The following MSRB2 variants were observed in gnomAD, a reference collection of about 807,000 sequenced individuals.
MSRB2 encodes the protein methionine sulfoxide reductase B2, also known as methionine-R-sulfoxide reductase B2, mitochondrial.
Under a neutral mutation model 19.0 loss-of-function variants are expected in MSRB2, and 17 were observed. The ratio of observed to expected loss-of-function variants is 0.89; its 90% CI spans 0.61 to 1.34. The LOEUF (loss-of-function observed/expected upper bound fraction) is 1.34. MSRB2 is among the 40% of genes most tolerant of loss of function. MSRB2 has a pLI of 0.00. For missense variants in MSRB2, 208 were observed against 237.6 expected, an observed-to-expected ratio of 0.88 and a Z score of 0.82; for synonymous variants, 107 against 99.7, an observed-to-expected ratio of 1.07 and a Z score of -0.44.
At chr10:23,104,303 G>C in intron 2 of MSRB2, 59 bp downstream of exon 2, 2 of 1,425,356 alleles carry the variant, frequency 1.4e-6, no homozygotes, top group Non-Finnish European at 2.0e-6. Context: ...GGGGCCAGTT[G>C]GAATAGGTCC....
intron 1 of MSRB2, among the ~76,000 whole-genome samples, chr10:23,098,997 G>GTC (rs1446577665): frequency 2.6e-5 from 4 of 152,146 alleles, no homozygotes. Flanking sequence ...TCCCCAGGCG[G>GTC]CCTTTTCTCT....
chr10:23,110,395 G>A, intron 3 of MSRB2, 77 bp downstream of exon 3: 1 of 1,216,752 alleles, frequency 8.2e-7, no homozygotes, highest in Admixed American at 1.8e-5. Flanking sequence ...TTGAGATCTT[G>A]GATAAATAAA....
At chr10:23,112,511 A>G (rs1432503632) in intron 3 of MSRB2, among the ~76,000 whole-genome samples, 2 of 152,338 alleles carry the variant, frequency 1.3e-5, no homozygotes, top group Non-Finnish European at 1.5e-5. Context: ...GAATTAATAC[A>G]TGGAAAAGCA....
rs541670490 is a variant in MSRB2, at chr10:23,112,416, C to T, written c.296+2098C>T. ...GTGTGACCTTGAGCAAATTTCTTAACCTTTCTGTGTCTGATTTCCTCACCT... is the reference window on the plus strand; with the variant it reads ...GTGTGACCTTGAGCAAATTTCTTAATCTTTCTGTGTCTGATTTCCTCACCT... On this transcript the variant is annotated intron_variant, in intron 3 of 4. Coordinates refer to ENST00000376510, the MANE Select transcript of MSRB2 (RefSeq NM_012228.4). 6.6e-4 allele frequency among the ~76,000 whole-genome samples: 100 copies of T among 152,226 alleles called. 1 individual carries two copies. In the South Asian group the frequency reaches 0.02, roughly 31 times the overall value.
In MSRB2 at chr10:23,120,777, AC is replaced by A. The variant is rs1383115597; in HGVS notation, c.465del (p.His155GlnfsTer21). 6.8e-6 allele frequency: 11 copies of A among 1,614,080 alleles called. No individual in the cohort carries two copies. Among genetic ancestry groups the A allele is most frequent in the Non-Finnish European group, 9.3e-6 (11 of 1,179,986 alleles). On this transcript the variant is annotated frameshift_variant, in exon 5 of 5. Transcript: ENST00000376510. LOFTEE classifies it high-confidence loss of function. ...VCKQCEAHLGHVFPDGPGPNG... is the reference protein window; with the variant it reads ...VCKQCEAHLGXVFPDGPGPNG... ...TTGCAGTGTGAAGCTCATCTAGGTCACGTGTTTCCTGATGGACCTGGGCCCA... is the reference window on the plus strand; with the variant it reads ...TTGCAGTGTGAAGCTCATCTAGGTCAGTGTTTCCTGATGGACCTGGGCCCA...
intron 4 of MSRB2, among the ~76,000 whole-genome samples, chr10:23,119,875 G>A (rs1025497276): frequency 2.0e-5 from 3 of 152,264 alleles, no homozygotes; most frequent in Non-Finnish European, 2.9e-5. Flanking sequence ...GATTACAGGC[G>A]TGGGCCACCA....
intron 2 of MSRB2, among the ~76,000 whole-genome samples, chr10:23,109,357 C>T (rs1840021467): frequency 6.6e-6 from 1 of 152,076 alleles, no homozygotes; most frequent in Admixed American, 6.6e-5. Flanking sequence ...CGAGACCAGC[C>T]TGGCTAACAC....
chr10:23,120,927 T>C lies in MSRB2; in HGVS notation c.*65T>C. Reference sequence around the variant, plus strand: ...TGCACCCTCAATTTCCACAATTCACTTGAATGACTTGTTTTATTTGCAATA... The same window carrying C: ...TGCACCCTCAATTTCCACAATTCACCTGAATGACTTGTTTTATTTGCAATA... On this transcript the variant is annotated 3_prime_UTR_variant, in exon 5 of 5. Transcript: ENST00000376510. The C allele has an allele frequency of 8.2e-7, 1 of 1,226,710 alleles. No homozygotes were observed. The highest frequency in any genetic ancestry group is 1.3e-5 in the South Asian group (1 of 77,096). 76.0% of individuals were successfully genotyped at this position (1,226,710 alleles called of 1,614,324 possible). A position where few individuals can be genotyped will look rare whatever the true frequency, so the allele number is the denominator to read the frequency against.
intron 1 of MSRB2, among the ~76,000 whole-genome samples, chr10:23,103,786 C>G (rs1346926611): frequency 6.6e-6 from 1 of 152,214 alleles, no homozygotes; most frequent in Non-Finnish European, 1.5e-5. Context: ...TAGATTCTGA[C>G]AGCAACTGCT....
At chr10:23,110,890 C>T (rs1247016891) in intron 3 of MSRB2, among the ~76,000 whole-genome samples, 2 of 151,972 alleles carry the variant, frequency 1.3e-5, no homozygotes, top group African/African-American at 4.8e-5. Flanking sequence ...TCAACAAAGG[C>T]TTTTTTGTTT....
chr10:23,099,596 G>A (rs1213165181), intron 1 of MSRB2, among the ~76,000 whole-genome samples: 1 of 152,208 alleles, frequency 6.6e-6, no homozygotes, highest in East Asian at 1.9e-4. Context: ...TCACGCACCT[G>A]TAGTCTCAGC....
chr10:23,096,374 T>TGTGTGTGTGTGTGTGTGTG (rs1458244236), intron 1 of MSRB2, among the ~76,000 whole-genome samples: 1 of 48,272 alleles, frequency 2.1e-5, no homozygotes, highest in Non-Finnish European at 4.0e-5. Context: ...GTGTGTGTGT[T>TGTGTGTGTGTGTGTGTGTG]TCTGCTAAAT....
Position 23,096,180 on chromosome 10 carries a change from GTTCAGACTTGGGGT to G in MSRB2, c.118+456_118+469del, listed in dbSNP as rs542605848. ...CCTTCCAGCATCTGAGAAGCAGGCA[GTTCAGACTTGGGGT>G]TCCTGTGAGTGTTTCCTGCCCTGCT... is the stretch of plus-strand genomic sequence containing the variant. On this transcript the variant is annotated intron_variant, in intron 1 of 4. Transcript: ENST00000376510. Among the ~76,000 whole-genome samples, 11 of 152,264 alleles carry G rather than the reference GTTCAGACTTGGGGT, an allele frequency of 7.2e-5. No individual in the cohort carries two copies. The South Asian group carries it at 2.3e-3, about 32-fold the overall frequency.
intron 1 of MSRB2, among the ~76,000 whole-genome samples, chr10:23,102,085 CAT>C (rs1417228981): frequency 6.6e-6 from 1 of 152,136 alleles, no homozygotes; most frequent in Admixed American, 6.6e-5. Flanking sequence ...GGAAAAATCT[CAT>C]AGAGATGCAG....
chr10:23,102,163 C>T (rs1308273374), intron 1 of MSRB2, among the ~76,000 whole-genome samples: 4 of 152,200 alleles, frequency 2.6e-5, no homozygotes, highest in Non-Finnish European at 4.4e-5. Context: ...CACGCGCAAA[C>T]GTACACTCAC....
At chr10:23,105,212 C>CTGTGTGTGTGTGTGTGTGTGTG (rs36039793) in intron 2 of MSRB2, among the ~76,000 whole-genome samples, 1 of 147,074 alleles carries the variant, frequency 6.8e-6, no homozygotes, top group African/African-American at 2.5e-5. Flanking sequence ...CTCTGTGTGT[C>CTGTGTGTGTGTGTGTGTGTGTG]TGTGTGTGTG....
At chr10:23,106,866 T>C (rs113406171) in intron 2 of MSRB2, among the ~76,000 whole-genome samples, 10,185 of 152,250 alleles carry the variant, frequency 0.067, 909 homozygotes, top group African/African-American at 0.2. Flanking sequence ...TGAGGTTATC[T>C]GCAGTCATCC....
At position 23,114,150 on chromosome 10, in the gene MSRB2, G is replaced by C. The variant is rs558603358; in HGVS notation, c.296+3832G>C. ...GGATCACTGCAGGTCAGGAGTTCGA[G>C]ACCAGCCTGACCAGTATAGCAAAAT... On this transcript the variant is annotated intron_variant, in intron 3 of 4. Coordinates refer to ENST00000376510, the MANE Select transcript of MSRB2 (RefSeq NM_012228.4). Among the ~76,000 whole-genome samples, 9 of 152,224 alleles carry C rather than the reference G, an allele frequency of 5.9e-5. No individual in the cohort carries two copies. The South Asian group carries it at 1.9e-3, about 32-fold the overall frequency.
At chr10:23,110,889 G>T (rs1341176171) in intron 3 of MSRB2, among the ~76,000 whole-genome samples, 1 of 152,000 alleles carries the variant, frequency 6.6e-6, no homozygotes, top group Non-Finnish European at 1.5e-5. Context: ...CTCAACAAAG[G>T]CTTTTTTGTT....
Sources: gnomAD v4.1 joint callset for allele counts (sites outside exome capture counted in the v4.1 genomes callset) on GRCh38, gnomAD v4.1.1 for gene constraint, MANE v1.5 for transcripts, NCBI Gene and HGNC (gene_info 2026-07-23, HGNC 2026-07-21) for gene names.